The following RDH11 variants were observed in gnomAD, a reference collection of about 807,000 sequenced individuals.
RDH11 encodes HCV core-binding protein HCBP12.
RDH11 carries 19 observed loss-of-function variants against 33.4 expected under a neutral mutation model. That is an observed-to-expected ratio of 0.57 (90% CI 0.40 to 0.83). The LOEUF (loss-of-function observed/expected upper bound fraction) is 0.83, where lower values mean the gene tolerates loss of function less well. Among genes scored for constraint, RDH11 ranks in the 40% least tolerant of loss-of-function variants. The pLI is 0.00. For missense variants in RDH11, 353 were observed against 389.0 expected (o/e 0.91, Z 0.78); for synonymous variants, 154 against 155.3 (o/e 0.99, Z 0.06).
intron 1 of RDH11, among the ~76,000 whole-genome samples, chr14:67,694,572 G>C (rs2037803696): frequency 6.8e-6 from 1 of 148,118 alleles, no homozygotes; most frequent in Admixed American, 6.8e-5. Flanking sequence ...TTCAGTTCTG[G>C]TTCAACTTTT....
At chr14:67,690,500 T>G in intron 4 of RDH11, 79 bp from the exon 5 acceptor site, 2 of 1,135,092 alleles carry the variant, frequency 1.8e-6, no homozygotes, top group Non-Finnish European at 2.6e-6. Flanking sequence ...GCCTCACCTA[T>G]GGGAGGCAGA....
At chr14:67,690,835 G>T in intron 4 of RDH11, 1 of 383,020 alleles carries the variant, frequency 2.6e-6, no homozygotes, top group South Asian at 3.6e-5. Flanking sequence ...AAGAGCAGAT[G>T]ACCTATACCT....
At chr14:67,694,451 T>TACAC (rs372188891) in intron 1 of RDH11, among the ~76,000 whole-genome samples, 424 of 143,824 alleles carry the variant, frequency 2.9e-3, no homozygotes, top group South Asian at 0.013. Flanking sequence ...TATATATATA[T>TACAC]ACACACACAC....
intron 6 of RDH11, among the ~76,000 whole-genome samples, chr14:67,681,754 C>T (rs991242285): frequency 2.6e-5 from 4 of 151,612 alleles, no homozygotes; most frequent in South Asian, 2.1e-4. Context: ...AGCAAGATTC[C>T]GTCTCAAAAA....
intron 6 of RDH11, among the ~76,000 whole-genome samples, chr14:67,684,349 A>C (rs1031073688): frequency 6.6e-6 from 1 of 152,214 alleles, no homozygotes; most frequent in African/African-American, 2.4e-5. Context: ...TTGCTTCAAA[A>C]TAATATGGGA....
intron 6 of RDH11, 41 bp downstream of exon 6, chr14:67,684,974 G>A (rs747709728): frequency 8.5e-6 from 13 of 1,531,356 alleles, no homozygotes; most frequent in Non-Finnish European, 9.8e-6. Context: ...TATCTCCTTT[G>A]AGCAATAAAT....
chr14:67,678,430 G>A lies in RDH11; in HGVS notation c.855-7C>T, dbSNP rs1594846415. On this transcript the variant is annotated splice_polypyrimidine_tract_variant and splice_region_variant and intron_variant, in intron 6 of 6. Coordinates refer to ENST00000381346, the MANE Select transcript of RDH11 (RefSeq NM_016026.4). ...CCATGCCACATGACAGTCACTGGAA[G>A]GTAAAGAGAAAGGTATGAAGCACAG... 14 of 1,593,752 alleles carry A rather than the reference G, an allele frequency of 8.8e-6. No individual in the cohort carries two copies. Among genetic ancestry groups the A allele is most frequent in the Non-Finnish European group, 1.1e-5 (13 of 1,161,750 alleles).
Position 67,692,543 on chromosome 14 carries a change from C to T in RDH11, c.244G>A (p.Ala82Thr). ...CRDVEKGELV[A>T]KEIQTTTGNQ... ...CCTGTCGTGGTCTGGATCTCTTTGG[C>T]CACCAATTCCCCCTTTTCCACATCC... Residue 82 changes from alanine to threonine, a missense_variant, in exon 3 of 7, where the codon GCC becomes ACC. By Grantham distance (58) the Ala-to-Thr change is moderately conservative. Coordinates refer to ENST00000381346, the MANE Select transcript of RDH11 (RefSeq NM_016026.4). 1 of 1,610,518 alleles carries T rather than the reference C, an allele frequency of 6.2e-7. No homozygotes were observed. The highest frequency in any genetic ancestry group is 8.5e-7 in the Non-Finnish European group (1 of 1,178,680).
intron 6 of RDH11, 97 bp from the exon 7 acceptor site, chr14:67,678,520 A>C (rs2037572703): frequency 1.3e-6 from 1 of 742,398 alleles, no homozygotes; most frequent in African/African-American, 1.7e-5. Flanking sequence ...ACTAGGGATC[A>C]CATGTTCTCC....
At chr14:67,686,424 A>C (rs976010759) in intron 5 of RDH11, among the ~76,000 whole-genome samples, 104 of 152,204 alleles carry the variant, frequency 6.8e-4, no homozygotes, top group African/African-American at 2.4e-3. Flanking sequence ...GGACTGCCTG[A>C]GCTCAGGAGT....
At chr14:67,694,516 AT>A (rs199846421) in intron 1 of RDH11, among the ~76,000 whole-genome samples, 38,233 of 138,260 alleles carry the variant, frequency 0.28, 5,249 homozygotes, top group Non-Finnish European at 0.31. Context: ...ACACACATAT[AT>A]TTTTTTTTTT....
chr14:67,679,190 A>T (rs1254515448), intron 6 of RDH11, among the ~76,000 whole-genome samples: 1 of 152,144 alleles, frequency 6.6e-6, no homozygotes, highest in Non-Finnish European at 1.5e-5. Context: ...TTTAATAAGG[A>T]ACCACTCCCA....
chr14:67,677,363 ATTTTTTTTTTT>A lies in RDH11; in HGVS notation c.*947_*957del, dbSNP rs71129846. ...TTTTTTTTGTTTGTTTGTTTTTAGG[ATTTTTTTTTTT>A]TTTTTTTTTTTTTTTTTTGCCACAC... On this transcript the variant is annotated 3_prime_UTR_variant, in exon 7 of 7. Transcript: ENST00000381346. 9.4e-5 allele frequency: 3 copies of A among 31,968 alleles called. No homozygotes were observed. Among genetic ancestry groups the A allele is most frequent in the African/African-American group, 2.7e-4 (2 of 7,336 alleles). The allele number at this position is 31,968 out of a possible 1,614,324, so 2.0% of individuals were successfully genotyped here. A position where few individuals can be genotyped will look rare whatever the true frequency, so the allele number is the denominator to read the frequency against.
chr14:67,695,485 T>G lies in RDH11; in HGVS notation c.74+145A>C, dbSNP rs1460286868. 5 of 725,172 alleles carry G rather than the reference T, an allele frequency of 6.9e-6. No individual in the cohort carries two copies. The East Asian group carries it at 1.5e-4, about 21-fold the overall frequency. The allele number at this position is 725,172 out of a possible 1,614,324, so 44.9% of individuals were successfully genotyped here. On this transcript the variant is annotated intron_variant, in intron 1 of 6. Transcript: ENST00000381346. ...TCCTGGCACCCAGGACAGCTGGACC[T>G]CGCCTCCAACCCACCGAACTCTGGG...
chr14:67,684,305 T>C (rs942481066), intron 6 of RDH11, among the ~76,000 whole-genome samples: 1 of 152,122 alleles, frequency 6.6e-6, no homozygotes, highest in African/African-American at 2.4e-5. Flanking sequence ...GGTAAAAACA[T>C]GTTAAAATTT....
chr14:67,686,429 A>G (rs1190306816), intron 5 of RDH11, among the ~76,000 whole-genome samples: 3 of 152,094 alleles, frequency 2.0e-5, no homozygotes, highest in Admixed American at 6.5e-5. Context: ...GCCTGAGCTC[A>G]GGAGTTATAG....
intron 1 of RDH11, among the ~76,000 whole-genome samples, chr14:67,695,094 C>T (rs1042579234): frequency 6.6e-5 from 10 of 152,184 alleles, no homozygotes; most frequent in African/African-American, 2.2e-4. Context: ...GAGCTCATAA[C>T]CAAACACTCT....
Position 67,692,513 on chromosome 14 carries a change from G to T in RDH11, c.274C>A (p.Gln92Lys), listed in dbSNP as rs756205375. Residue 92 changes from glutamine to lysine, a missense_variant, in exon 3 of 7, where the codon CAG (glutamine) becomes AAG (lysine). Gln to Lys is a moderately conservative substitution (Grantham distance 53). Transcript: ENST00000381346. ...AKEIQTTTGN[Q>K]QVLVRKLDLS... Reference sequence around the variant, plus strand: ...TCCAGTTTCCGCACCAACACCTGCTGGTTCCCTGTCGTGGTCTGGATCTCT... The same window carrying T: ...TCCAGTTTCCGCACCAACACCTGCTTGTTCCCTGTCGTGGTCTGGATCTCT... 1.9e-6 allele frequency: 3 copies of T among 1,613,806 alleles called. No individual in the cohort carries two copies.
At position 67,691,153 on chromosome 14, in the gene RDH11, T is replaced by A. The variant is rs2037744598; in HGVS notation, c.441A>T (p.Gly147=). 1 of 1,612,638 alleles carries A rather than the reference T, an allele frequency of 6.2e-7. No individual in the cohort carries two copies. Among genetic ancestry groups the A allele is most frequent in the Non-Finnish European group, 8.5e-7 (1 of 1,178,784 alleles). ...KTADGFEMHI[G]VNHLGHFLLT... ...CAGATTTCTTACCCAAGTGGTTGAC[T>A]CCTATGTGCATCTCAAAGCCATCTG... Residue 147 remains glycine (G), a synonymous_variant, in exon 4 of 7, where the codon GGA becomes GGT. Coordinates refer to ENST00000381346, the MANE Select transcript of RDH11 (RefSeq NM_016026.4).
Sources: gnomAD v4.1 joint callset for allele counts (sites outside exome capture counted in the v4.1 genomes callset) on GRCh38, gnomAD v4.1.1 for gene constraint, MANE v1.5 for transcripts, NCBI Gene and HGNC (gene_info 2026-07-23, HGNC 2026-07-21) for gene names.